The following EPHA6 variants were observed in gnomAD, a reference collection of about 807,000 sequenced individuals.
EPHA6 encodes ephrin type-A receptor 6.
In EPHA6, 50 loss-of-function variants were observed where a neutral mutation model predicts 112.0. The ratio of observed to expected loss-of-function variants is 0.45; its 90% CI spans 0.36 to 0.56. EPHA6 has a LOEUF of 0.56. EPHA6 is among the 20% of genes least tolerant of loss of function. The probability of loss-of-function intolerance (pLI) is 0.00; values close to 1 mark genes in which losing one functional copy is unlikely to be tolerated. For missense variants in EPHA6, 1,280 were observed against 1,417.4 expected (o/e 0.90, Z 1.56); for synonymous variants, 529 against 490.7 (o/e 1.08, Z -1.03).
intron 5 of EPHA6, among the ~76,000 whole-genome samples, chr3:97,261,883 A>G (rs180939049): frequency 2.6e-5 from 4 of 152,314 alleles, no homozygotes; most frequent in African/African-American, 9.6e-5. Flanking sequence ...TCAAGATTAT[A>G]TAGTTAATAC....
chr3:96,839,376 G>A (rs1437295117), intron 1 of EPHA6, among the ~76,000 whole-genome samples: 2 of 152,024 alleles, frequency 1.3e-5, no homozygotes, highest in Non-Finnish European at 2.9e-5. Context: ...TCCAACTAAT[G>A]CCTGATGATC....
At chr3:97,091,292 C>T (rs1006852189) in intron 3 of EPHA6, among the ~76,000 whole-genome samples, 1 of 152,044 alleles carries the variant, frequency 6.6e-6, no homozygotes, top group East Asian at 1.9e-4. Flanking sequence ...AAGGGATCCC[C>T]GCAAACTAAC....
chr3:97,396,364 A>T (rs991404290), intron 5 of EPHA6, among the ~76,000 whole-genome samples: 6 of 149,554 alleles, frequency 4.0e-5, no homozygotes, highest in African/African-American at 1.5e-4. Context: ...ATTATTTAAT[A>T]CAGTTTTAGA....
At chr3:96,958,239 G>A (rs1047008073) in intron 2 of EPHA6, among the ~76,000 whole-genome samples, 5 of 151,470 alleles carry the variant, frequency 3.3e-5, no homozygotes, top group African/African-American at 9.7e-5. Context: ...GCAGTGAGCC[G>A]GTACCCCGCC....
intron 3 of EPHA6, among the ~76,000 whole-genome samples, chr3:97,110,916 A>AAAATC (rs2047704080): frequency 6.6e-6 from 1 of 152,160 alleles, no homozygotes; most frequent in South Asian, 2.1e-4. Context: ...CCAAGTTGTC[A>AAAATC]AAATTTGCAG....
intron 6 of EPHA6, among the ~76,000 whole-genome samples, chr3:97,415,210 A>G (rs1030838163): frequency 3.3e-5 from 5 of 152,050 alleles, no homozygotes; most frequent in African/African-American, 1.2e-4. Context: ...GTTATCTGTA[A>G]TCTAAAGCGA....
At chr3:97,204,101 A>C (rs2108502726) in intron 3 of EPHA6, among the ~76,000 whole-genome samples, 1 of 152,288 alleles carries the variant, frequency 6.6e-6, no homozygotes, top group East Asian at 1.9e-4. Flanking sequence ...TAAACTTAGA[A>C]GAGTTAAGAA....
Position 97,666,698 on chromosome 3 carries a change from ATT to A in EPHA6, c.2784+28618_2784+28619del, listed in dbSNP as rs2030154949. Among the ~76,000 whole-genome samples, 4 of 152,142 alleles carry A rather than the reference ATT, an allele frequency of 2.6e-5. No homozygotes were observed. In the South Asian group the frequency reaches 8.3e-4, roughly 31 times the overall value. Reference sequence around the variant, plus strand: ...AGCAAATTACTTCTACAATGACCCTATTTCTAAATCAAATCATATTTGGAGGC... The same window carrying A: ...AGCAAATTACTTCTACAATGACCCTATCTAAATCAAATCATATTTGGAGGC... On this transcript the variant is annotated intron_variant, in intron 14 of 17. Transcript: ENST00000389672.
chr3:97,753,727 T>A lies in EPHA6; in HGVS notation c.*5026T>A, dbSNP rs1352268624. ...CTGCAATGGTGGCATAAAATCCTTT[T>A]AAATTCCATCCATTTAACAGGGGAA... On this transcript the variant is annotated 3_prime_UTR_variant, in exon 18 of 18. Coordinates refer to ENST00000389672, the MANE Select transcript of EPHA6 (RefSeq NM_001080448.3). 6.6e-6 allele frequency among the ~76,000 whole-genome samples: 1 copy of A among 152,200 alleles called. No individual in the cohort carries two copies. Among genetic ancestry groups the A allele is most frequent in the African/African-American group, 2.4e-5 (1 of 41,450 alleles).
chr3:97,586,398 C>T (rs904252452), intron 11 of EPHA6, among the ~76,000 whole-genome samples: 2 of 152,150 alleles, frequency 1.3e-5, no homozygotes, highest in African/African-American at 4.8e-5. Context: ...CATTGGTCTT[C>T]CTCACTGGTG....
chr3:97,612,509 A>C (rs1253739948), intron 13 of EPHA6: 1 of 295,482 alleles, frequency 3.4e-6, no homozygotes, highest in Non-Finnish European at 7.0e-6. Context: ...TAATTTATAT[A>C]TTTTATTCTG....
chr3:97,017,926 T>C (rs1055282736), intron 3 of EPHA6, among the ~76,000 whole-genome samples: 3 of 152,078 alleles, frequency 2.0e-5, no homozygotes, highest in African/African-American at 7.2e-5. Context: ...AACTCTTAGA[T>C]TTATTCTTCT....
chr3:97,370,627 G>A (rs941632729), intron 5 of EPHA6, among the ~76,000 whole-genome samples: 8 of 152,094 alleles, frequency 5.3e-5, no homozygotes, highest in African/African-American at 1.9e-4. Context: ...ACATGTAGTG[G>A]CTATAATATA....
chr3:97,520,738 G>A (rs1209073529), intron 10 of EPHA6, among the ~76,000 whole-genome samples: 1 of 152,098 alleles, frequency 6.6e-6, no homozygotes, highest in African/African-American at 2.4e-5. Context: ...CCCATGTCTG[G>A]ATGTCTAAAT....
chr3:97,447,076 C>A (rs2090371053), intron 6 of EPHA6, among the ~76,000 whole-genome samples: 1 of 151,944 alleles, frequency 6.6e-6, no homozygotes, highest in African/African-American at 2.4e-5. Context: ...GTATAAATGG[C>A]AAATTCAATT....
chr3:96,901,560 C>T (rs2107574064), intron 2 of EPHA6, among the ~76,000 whole-genome samples: 1 of 151,558 alleles, frequency 6.6e-6, no homozygotes, highest in East Asian at 1.9e-4. Flanking sequence ...CTTGTCATAA[C>T]AGATATGATA....
intron 2 of EPHA6, among the ~76,000 whole-genome samples, chr3:96,912,898 A>G (rs533314106): frequency 6.6e-6 from 1 of 152,072 alleles, no homozygotes; most frequent in Admixed American, 6.6e-5. Flanking sequence ...GGCCTTCTGT[A>G]GACATATTCT....
intron 5 of EPHA6, among the ~76,000 whole-genome samples, chr3:97,253,238 G>T (rs190767133): frequency 6.6e-6 from 1 of 152,124 alleles, no homozygotes; most frequent in Non-Finnish European, 1.5e-5. Context: ...TATGACAGGC[G>T]GTGAATGTTG....
At chr3:97,698,459 C>T (rs893356516) in intron 14 of EPHA6, among the ~76,000 whole-genome samples, 5 of 151,652 alleles carry the variant, frequency 3.3e-5, no homozygotes, top group East Asian at 3.9e-4. Context: ...ATTCCTCTTC[C>T]TTGTGGGAAG....
Sources: allele counts gnomAD v4.1 joint callset (sites outside exome capture counted in the v4.1 genomes callset), GRCh38; gene constraint gnomAD v4.1.1; transcripts MANE v1.5; gene names NCBI Gene and HGNC (gene_info 2026-07-23, HGNC 2026-07-21).